Variants in XKR6 observed in about 807,000 individuals in gnomAD.
XKR6 encodes XK related 6.
In XKR6, 22 loss-of-function variants were observed where a neutral mutation model predicts 56.7. The observed-to-expected ratio is 0.39, with a 90% CI of 0.28 to 0.55. XKR6 has a LOEUF of 0.55. Ranked by LOEUF, XKR6 falls within the 20% of genes least tolerant of loss-of-function variation. The probability of loss-of-function intolerance (pLI) is 0.66; values close to 1 mark genes in which losing one functional copy is unlikely to be tolerated. For missense variants in XKR6, 852 were observed against 889.0 expected, an observed-to-expected ratio of 0.96 and a Z score of 0.53; for synonymous variants, 524 against 387.8, an observed-to-expected ratio of 1.35 and a Z score of -4.13.
At chr8:11,160,106 ATGT>A (rs955003559) in intron 1 of XKR6, among the ~76,000 whole-genome samples, 1 of 152,176 alleles carries the variant, frequency 6.6e-6, no homozygotes. Context: ...TGAGGAAAAA[ATGT>A]TGTCAAACAA....
At chr8:11,129,676 C>T (rs1332727644) in intron 1 of XKR6, among the ~76,000 whole-genome samples, 1 of 152,166 alleles carries the variant, frequency 6.6e-6, no homozygotes, top group Non-Finnish European at 1.5e-5. Context: ...TTGATTCTAC[C>T]AGAATTTAAA....
In XKR6 at chr8:10,924,718, G is replaced by A. The variant is rs1178824469; in HGVS notation, c.877C>T (p.Leu293=). 3.1e-6 allele frequency: 5 copies of A among 1,613,714 alleles called. No homozygotes were observed. In the East Asian group the frequency reaches 1.1e-4, roughly 36 times the overall value. Residue 293 remains leucine, a synonymous_variant, in exon 2 of 3, where the codon CTG becomes TTG. Transcript: ENST00000416569. Reference sequence around the variant, plus strand: ...GGCGCGCTCTCCAGGAAGGTCTCCAGGAGGCGCAGCATGTTGACGTCTGCA... The same window carrying A: ...GGCGCGCTCTCCAGGAAGGTCTCCAAGAGGCGCAGCATGTTGACGTCTGCA... ...EYADVNMLRL[L]ETFLESAPQL...
intron 1 of XKR6, among the ~76,000 whole-genome samples, chr8:11,119,023 G>A (rs1233729216): frequency 6.6e-6 from 1 of 151,888 alleles, no homozygotes; most frequent in Admixed American, 6.6e-5. Context: ...TGTTCTCGTT[G>A]GTTTCAAAGA....
chr8:11,132,399 C>G (rs1800148698), intron 1 of XKR6, among the ~76,000 whole-genome samples: 1 of 151,868 alleles, frequency 6.6e-6, no homozygotes, highest in Non-Finnish European at 1.5e-5. Flanking sequence ...TGCTCTGTCA[C>G]CCAGGCTGGA....
rs533422425 is a variant in XKR6 at position 11,000,896 on chromosome 8, G to A, written c.765-76066C>T. ...ACACTTTCTGGACACGTGGTCCAGA[G>A]AGTATATCCCTCCAGCCATCAACCA... On this transcript the variant is annotated intron_variant, in intron 1 of 2. Coordinates refer to ENST00000416569, the MANE Select transcript of XKR6 (RefSeq NM_173683.4). Among the ~76,000 whole-genome samples, 208 of 152,230 alleles carry A rather than the reference G, an allele frequency of 1.4e-3. 3 individuals are homozygous for A. Among genetic ancestry groups the A allele is most frequent in the African/African-American group, 4.8e-3 (199 of 41,546 alleles).
rs571652739 is a variant in XKR6, at chr8:11,137,467, C to G, written c.764+63109G>C. The G allele has an allele frequency of 4.9e-5, 21 of 430,528 alleles. No individual in the cohort carries two copies. In the Admixed American group the frequency reaches 5.2e-4, roughly 11 times the overall value. 26.7% of individuals were successfully genotyped at this position (430,528 alleles called of 1,614,324 possible). Reference sequence around the variant, plus strand: ...CAGTCCCTTACATCTTCAGCCGACACGGAAGTCTTATCTGAGAATAGAATC... The same window carrying G: ...CAGTCCCTTACATCTTCAGCCGACAGGGAAGTCTTATCTGAGAATAGAATC... On this transcript the variant is annotated intron_variant, in intron 1 of 2. Transcript: ENST00000416569.
At chr8:11,041,899 A>G (rs904669463) in intron 1 of XKR6, among the ~76,000 whole-genome samples, 1 of 152,222 alleles carries the variant, frequency 6.6e-6, no homozygotes, top group African/African-American at 2.4e-5. Flanking sequence ...ATATATAAAC[A>G]CAACACACAC....
At chr8:11,091,793 C>A (rs1290074413) in intron 1 of XKR6, among the ~76,000 whole-genome samples, 1 of 152,188 alleles carries the variant, frequency 6.6e-6, no homozygotes, top group African/African-American at 2.4e-5. Flanking sequence ...CTGGTGGCCC[C>A]AAATCCATCC....
At chr8:11,057,257 T>C (rs1249801961) in intron 1 of XKR6, among the ~76,000 whole-genome samples, 1 of 152,198 alleles carries the variant, frequency 6.6e-6, no homozygotes, top group Non-Finnish European at 1.5e-5. Context: ...TTTGTCACAC[T>C]TGTCACTGTC....
intron 1 of XKR6, among the ~76,000 whole-genome samples, chr8:11,174,617 G>A (rs190762254): frequency 2.0e-3 from 297 of 152,254 alleles, no homozygotes; most frequent in African/African-American, 6.8e-3. Context: ...TCTTTCCTGT[G>A]AGGCAAGGAA....
rs1045686094 is a variant in XKR6 at position 11,200,690 on chromosome 8, C to G, written c.650G>C (p.Arg217Pro). The G allele has an allele frequency of 6.4e-7, 1 of 1,569,038 alleles. No homozygotes were observed. The highest frequency in any genetic ancestry group is 1.4e-5 in the African/African-American group (1 of 70,946). The change falls in exon 1 of 3, where the codon CGC (arginine) becomes CCC (proline). Residue 217 changes from arginine (R) to proline (P), a missense_variant. This residue lies in a region of XKR6 where 417 missense variants were observed against 355.2 expected (regional missense o/e 1.17). Coordinates refer to ENST00000416569, the MANE Select transcript of XKR6 (RefSeq NM_173683.4). This position sits in a 1 kb window ranked among gnomAD's most constrained non-coding sequence, Gnocchi z 6.4. ...GGAGACCCTCACGCCTGGGCCACCG[C>G]GGGCCGCGCCGTGGACGTAGCCGGC... is the stretch of plus-strand genomic sequence containing the variant. ...MGAGYVHGAARGGPGVRVSPT... is the reference protein window; with the variant it reads ...MGAGYVHGAAPGGPGVRVSPT...
intron 1 of XKR6, chr8:11,109,778 A>G (rs181301730): frequency 7.2e-5 from 11 of 152,176 alleles, no homozygotes; most frequent in Admixed American, 3.9e-4. Flanking sequence ...ATTCCTTCTG[A>G]GTGTAGCAAA....
rs565514706 is a variant in XKR6 at position 11,069,043 on chromosome 8, G to A, written c.764+131533C>T. Among the ~76,000 whole-genome samples the A allele has an allele frequency of 5.3e-4, 81 of 151,908 alleles. 1 individual carries two copies. In the South Asian group the frequency reaches 0.015, roughly 29 times the overall value. On this transcript the variant is annotated intron_variant, in intron 1 of 2. Coordinates refer to ENST00000416569, the MANE Select transcript of XKR6 (RefSeq NM_173683.4). Reference sequence around the variant, plus strand: ...TGGCTAACTTACAAGAGTGATTACCGGGCCTTCCATGTTTTCCCTTCCCCC... The same window carrying A: ...TGGCTAACTTACAAGAGTGATTACCAGGCCTTCCATGTTTTCCCTTCCCCC...
Position 11,130,612 on chromosome 8 carries a change from GT to G in XKR6, c.764+69963del, listed in dbSNP as rs578174148. Among the ~76,000 whole-genome samples, 717 of 143,228 alleles carry G rather than the reference GT, an allele frequency of 5.0e-3. 5 individuals carry two copies. The highest frequency in any genetic ancestry group is 0.013 in the African/African-American group (491 of 39,236). The allele number at this position is 143,228 out of a possible 152,430, so 94.0% of individuals were successfully genotyped here. A position where few individuals can be genotyped will look rare whatever the true frequency, so the allele number is the denominator to read the frequency against. On this transcript the variant is annotated intron_variant, in intron 1 of 2. Transcript: ENST00000416569. ...TAAGACGGCCTTTTCTCCCTCGCCG[GT>G]TTTTTTTTTTTTTAAGTTAACTATC...
At chr8:11,012,961 T>C (rs929471910) in intron 1 of XKR6, among the ~76,000 whole-genome samples, 19 of 152,166 alleles carry the variant, frequency 1.2e-4, no homozygotes, top group Non-Finnish European at 2.5e-4. Context: ...TATCTTGGCA[T>C]GTAAGAGTCA....
intron 1 of XKR6, among the ~76,000 whole-genome samples, chr8:11,082,654 G>C (rs1032882563): frequency 1.3e-4 from 20 of 152,220 alleles, no homozygotes. Flanking sequence ...AGAGTCCTCT[G>C]TCCCAACAGC....
rs1398517586 is a variant in XKR6 at position 10,955,467 on chromosome 8, C to T, written c.765-30637G>A. On this transcript the variant is annotated intron_variant, in intron 1 of 2. Transcript: ENST00000416569. ...AAGTGCTAGAATTGCAGGGGCTCACCACCACATCCAGCCTCTCTGCCTTTT... is the reference window on the plus strand; with the variant it reads ...AAGTGCTAGAATTGCAGGGGCTCACTACCACATCCAGCCTCTCTGCCTTTT... 3.9e-5 allele frequency among the ~76,000 whole-genome samples: 6 copies of T among 152,286 alleles called. No individual in the cohort carries two copies. In the East Asian group the frequency reaches 9.6e-4, roughly 24 times the overall value.
intron 1 of XKR6, among the ~76,000 whole-genome samples, chr8:11,038,596 A>T (rs964292330): frequency 6.7e-6 from 1 of 149,166 alleles, no homozygotes; most frequent in African/African-American, 2.5e-5. Context: ...GTGCAGTTGT[A>T]TGATCACAGC....
chr8:10,940,773 C>G (rs929420540), intron 1 of XKR6, among the ~76,000 whole-genome samples: 1 of 152,208 alleles, frequency 6.6e-6, no homozygotes, highest in African/African-American at 2.4e-5. Context: ...CGAGATGTCA[C>G]ACACATCCCC....
Sources: gnomAD v4.1 joint callset for allele counts (sites outside exome capture counted in the v4.1 genomes callset) on GRCh38, gnomAD v4.1.1 for gene constraint, gnomAD v4.1.1 regional missense constraint, Gnocchi (gnomAD v3.1) non-coding constraint, MANE v1.5 for transcripts, NCBI Gene and HGNC (gene_info 2026-07-23, HGNC 2026-07-21) for gene names.